The following LETMD1 variants were observed in gnomAD, a reference collection of about 807,000 sequenced individuals.
The protein encoded by LETMD1 is LETM1 domain-containing protein 1.
LETMD1 carries 30 observed loss-of-function variants against 43.9 expected under a neutral mutation model. That is an observed-to-expected ratio of 0.68 (90% confidence interval 0.51 to 0.93). LETMD1 has a LOEUF of 0.93. Ranked by LOEUF, LETMD1 falls within the 40% of genes least tolerant of loss-of-function variation. The pLI is 0.00. For missense variants in LETMD1, 413 were observed against 447.7 expected, an observed-to-expected ratio of 0.92 and a Z score of 0.70; for synonymous variants, 176 against 163.1, an observed-to-expected ratio of 1.08 and a Z score of -0.60.
Position 51,053,912 on chromosome 12 carries a change from T to A in LETMD1, c.473+52T>A, listed in dbSNP as rs60089061. 7,223 of 1,225,916 alleles carry A rather than the reference T, an allele frequency of 5.9e-3. 334 individuals are homozygous for A. In the African/African-American group the frequency reaches 0.098, roughly 17 times the overall value. The allele number at this position is 1,225,916 out of a possible 1,614,324, so 75.9% of individuals were successfully genotyped here. ...CATCTTGAAGATGTATCAATTTTTT[T>A]AAATTAAGAATTACTTTAAACAGCA... On this transcript the variant is annotated intron_variant, in intron 4 of 8. Transcript: ENST00000262055.
At chr12:51,062,350 A>AGTT (rs1353644935), downstream of LETMD1, 1 of 152,232 alleles carries the variant, frequency 6.6e-6, no homozygotes, top group African/African-American at 2.4e-5. Context: ...TGAGAAGAAT[A>AGTT]GTTTTGCTCC....
the LETMD1 span, among the ~76,000 whole-genome samples, chr12:51,067,154 TCAGTATTTAGGAAA>T: frequency 4.0e-5 from 6 of 149,046 alleles, no homozygotes; most frequent in East Asian, 3.9e-4. The surrounding 1 kb of genome is among the most constrained non-coding windows in gnomAD (Gnocchi z 4.1). Flanking sequence ...TCTCAAGGAA[TCAGTATTTAGGAAA>T]CAGTATTTAG....
At position 51,049,581 on chromosome 12, in the gene LETMD1, G is replaced by C. The variant is rs533028065; in HGVS notation, c.274+396G>C. Among the ~76,000 whole-genome samples, 232 of 152,256 alleles carry C rather than the reference G, an allele frequency of 1.5e-3. 1 individual carries two copies. Among genetic ancestry groups the C allele is most frequent in the African/African-American group, 5.4e-3 (225 of 41,536 alleles). On this transcript the variant is annotated intron_variant, in intron 2 of 8. Coordinates refer to ENST00000262055, the MANE Select transcript of LETMD1 (RefSeq NM_015416.5). Reference sequence around the variant, plus strand: ...TAACCCTTGTTATGAATCTATATTAGGTAGTATGTTGTAGTGGCAATAGCC... The same window carrying C: ...TAACCCTTGTTATGAATCTATATTACGTAGTATGTTGTAGTGGCAATAGCC...
chr12:51,066,411 C>G, the LETMD1 span, among the ~76,000 whole-genome samples: 2 of 149,592 alleles, frequency 1.3e-5, no homozygotes, highest in African/African-American at 4.9e-5. Flanking sequence ...CGAGATCACG[C>G]GCTACGGCAC....
intron 2 of LETMD1, 92 bp from the exon 3 acceptor site, chr12:51,052,000 T>A: frequency 9.0e-7 from 1 of 1,110,146 alleles, no homozygotes; most frequent in Non-Finnish European, 1.3e-6. Flanking sequence ...GGGGTGAGAG[T>A]GTTTGCATGT....
rs550666876 is a variant in LETMD1, at chr12:51,052,292, T to C, written c.390+85T>C. 55 of 1,497,052 alleles carry C rather than the reference T, an allele frequency of 3.7e-5. No homozygotes were observed. The African/African-American group carries it at 7.3e-4, about 20-fold the overall frequency. 92.7% of individuals were successfully genotyped at this position (1,497,052 alleles called of 1,614,324 possible). On this transcript the variant is annotated intron_variant, in intron 3 of 8. Transcript: ENST00000262055. ...TCTCAAGGTTTTTTCTTTCATTTGT[T>C]GTTCACCATTGATCAAGCTTTTGCC...
the LETMD1 span, among the ~76,000 whole-genome samples, chr12:51,067,208 A>G: frequency 6.6e-6 from 1 of 152,106 alleles, no homozygotes; most frequent in Non-Finnish European, 1.5e-5. This position sits in a 1 kb window ranked among gnomAD's most constrained non-coding sequence, Gnocchi z 4.1. Flanking sequence ...AGTATTTAGG[A>G]AACATTTACT....
At position 51,048,341 on chromosome 12, in the gene LETMD1, T is replaced by G. The variant is rs765974981; in HGVS notation, c.-16T>G. The G allele has an allele frequency of 1.2e-6, 2 of 1,613,986 alleles. No homozygotes were observed. The highest frequency in any genetic ancestry group is 3.3e-5 in the Admixed American group (2 of 60,008). ...CCAAAGACAACCTCTTCTCTCCCGC[T>G]TCTCTCGCTGTGAAGATGGCGCTCT... On this transcript the variant is annotated 5_prime_UTR_variant, in exon 1 of 9. Coordinates refer to ENST00000262055, the MANE Select transcript of LETMD1 (RefSeq NM_015416.5).
chr12:51,057,571 A>G (rs1188014327), intron 7 of LETMD1: 1 of 186,832 alleles, frequency 5.4e-6, no homozygotes, highest in African/African-American at 2.4e-5. Context: ...CATCTTGTCC[A>G]TCACTAGTTT....
intron 4 of LETMD1, among the ~76,000 whole-genome samples, 159 bp downstream of exon 4, chr12:51,054,019 G>T (rs1221670338): frequency 2.0e-5 from 3 of 151,904 alleles, no homozygotes; most frequent in African/African-American, 7.3e-5. Flanking sequence ...AACCACTTAG[G>T]AAGACCTTGG....
chr12:51,048,892 T>C, intron 1 of LETMD1, 142 bp from the exon 2 acceptor site: 10 of 794,078 alleles, frequency 1.3e-5, no homozygotes, highest in Non-Finnish European at 2.0e-5. Context: ...TATCTCTTCT[T>C]GACCCCAAGA....
chr12:51,056,575 CA>C (rs761339977), intron 7 of LETMD1, 73 bp downstream of exon 7: 134 of 1,447,480 alleles, frequency 9.3e-5, no homozygotes, highest in Non-Finnish European at 1.2e-4. Context: ...CGGAGGTTTA[CA>C]GGGGCTCCTT....
chr12:51,063,345 A>C (rs1165812068), downstream of LETMD1: 1 of 155,232 alleles, frequency 6.4e-6, no homozygotes, highest in Non-Finnish European at 1.4e-5. Flanking sequence ...CCACCGAGAA[A>C]AATGAGCTTG....
At chr12:51,067,196 T>A in the LETMD1 span, among the ~76,000 whole-genome samples, 1 of 152,068 alleles carries the variant, frequency 6.6e-6, no homozygotes, top group Non-Finnish European at 1.5e-5. The surrounding 1 kb of genome is among the most constrained non-coding windows in gnomAD (Gnocchi z 4.1). Context: ...TGTTTAGGAA[T>A]CAGTATTTAG....
chr12:51,051,991 G>T, intron 2 of LETMD1, 101 bp from the exon 3 acceptor site: 2 of 983,602 alleles, frequency 2.0e-6, no homozygotes, highest in Non-Finnish European at 3.0e-6. Flanking sequence ...CGTTGGGGAG[G>T]GGTGAGAGTG....
chr12:51,067,960 T>C, the LETMD1 span: 3 of 1,613,256 alleles, frequency 1.9e-6, no homozygotes, highest in Middle Eastern at 1.6e-4. This position sits in a 1 kb window ranked among gnomAD's most constrained non-coding sequence, Gnocchi z 4.1. Context: ...ACTGTCCCAT[T>C]CTTGGTCAGC....
intron 7 of LETMD1, chr12:51,056,707 T>C (rs1947846339): frequency 2.3e-6 from 1 of 438,154 alleles, no homozygotes. Context: ...CAGGCTAGAG[T>C]ACAGTGGCAC....
intron 1 of LETMD1, 90 bp downstream of exon 1, chr12:51,048,568 A>C (rs1945004702): frequency 1.3e-6 from 2 of 1,511,536 alleles, no homozygotes; most frequent in African/African-American, 2.8e-5. Context: ...TAATTCTCAG[A>C]GTTCCACGCC....
chr12:51,048,347 C>T lies in LETMD1; in HGVS notation c.-10C>T. The stretch of plus-strand genomic sequence containing the variant: ...ACAACCTCTTCTCTCCCGCTTCTCT[C>T]GCTGTGAAGATGGCGCTCTCCAGGG... On this transcript the variant is annotated 5_prime_UTR_variant, in exon 1 of 9. Transcript: ENST00000262055. 1.2e-6 allele frequency: 2 copies of T among 1,614,094 alleles called. No homozygotes were observed. The highest frequency in any genetic ancestry group is 8.5e-7 in the Non-Finnish European group (1 of 1,180,000).
Sources: gnomAD v4.1 joint callset for allele counts (sites outside exome capture counted in the v4.1 genomes callset) on GRCh38, gnomAD v4.1.1 for gene constraint, Gnocchi (gnomAD v3.1) non-coding constraint, MANE v1.5 for transcripts, NCBI Gene and HGNC (gene_info 2026-07-23, HGNC 2026-07-21) for gene names.